Variants in CACNA2D1 observed in about 807,000 individuals in gnomAD.
The protein encoded by CACNA2D1 is calcium voltage-gated channel auxiliary subunit alpha2delta 1, also known as voltage-dependent calcium channel subunit alpha-2/delta-1.
A neutral mutation model predicts 171.5 loss-of-function variants in CACNA2D1; 53 were observed. The observed-to-expected ratio is 0.31, with a 90% CI of 0.25 to 0.39. The LOEUF is 0.39. Among genes scored for constraint, CACNA2D1 ranks in the 10% least tolerant of loss-of-function variants. CACNA2D1 has a pLI of 1.00. For missense variants in CACNA2D1, 903 were observed against 1,299.8 expected, an observed-to-expected ratio of 0.69 and a Z score of 4.69; for synonymous variants, 442 against 443.1, an observed-to-expected ratio of 1.00 and a Z score of 0.03.
intron 4 of CACNA2D1, among the ~76,000 whole-genome samples, chr7:82,153,500 A>G (rs1035148532): frequency 6.6e-6 from 1 of 152,140 alleles, no homozygotes; most frequent in Non-Finnish European, 1.5e-5. Flanking sequence ...TTGCTCATGG[A>G]AACATTTTTC....
chr7:82,082,933 T>A (rs867553631), intron 7 of CACNA2D1, among the ~76,000 whole-genome samples: 8 of 152,102 alleles, frequency 5.3e-5, no homozygotes, highest in African/African-American at 1.9e-4. Context: ...CTGCTATTTG[T>A]TAAAAGAGCC....
chr7:82,374,464 A>G (rs1822778750), intron 1 of CACNA2D1, among the ~76,000 whole-genome samples: 2 of 152,100 alleles, frequency 1.3e-5, no homozygotes, highest in Non-Finnish European at 2.9e-5. Context: ...CATCTCACAC[A>G]TCCACACGCA....
At chr7:81,974,873 G>A (rs116972098) in intron 24 of CACNA2D1, among the ~76,000 whole-genome samples, 1,805 of 152,068 alleles carry the variant, frequency 0.012, 19 homozygotes, top group Non-Finnish European at 0.017. Flanking sequence ...TGGGGCATCG[G>A]GGGCAAGGGG....
intron 3 of CACNA2D1, among the ~76,000 whole-genome samples, chr7:82,295,522 C>A (rs888019516): frequency 1.3e-5 from 2 of 148,218 alleles, no homozygotes; most frequent in African/African-American, 5.0e-5. Context: ...TTCTTTCTTT[C>A]TTTTTTTTTT....
At chr7:82,183,124 A>G (rs1797322745) in intron 3 of CACNA2D1, among the ~76,000 whole-genome samples, 1 of 152,090 alleles carries the variant, frequency 6.6e-6, no homozygotes, top group Admixed American at 6.6e-5. Flanking sequence ...CTAACTTAAA[A>G]GGTTTATTTT....
chr7:82,129,936 T>C (rs1315691333), intron 5 of CACNA2D1, among the ~76,000 whole-genome samples: 2 of 152,184 alleles, frequency 1.3e-5, no homozygotes, highest in Non-Finnish European at 2.9e-5. Context: ...CTTCAAGGTA[T>C]GTATTTCATT....
chr7:82,365,965 G>A (rs3801688), intron 1 of CACNA2D1, among the ~76,000 whole-genome samples: 69,805 of 151,882 alleles, frequency 0.46, 16,563 homozygotes, highest in East Asian at 0.57. Context: ...CTGACAGGGG[G>A]CCTCTTTACT....
intron 2 of CACNA2D1, among the ~76,000 whole-genome samples, chr7:82,341,072 C>T (rs114277706): frequency 6.6e-6 from 1 of 152,078 alleles, no homozygotes; most frequent in African/African-American, 2.4e-5. Flanking sequence ...GTGGGTTATA[C>T]ATTTTTTTTT....
At chr7:82,120,015 T>G (rs896389079) in intron 5 of CACNA2D1, among the ~76,000 whole-genome samples, 7 of 152,138 alleles carry the variant, frequency 4.6e-5, no homozygotes, top group Non-Finnish European at 1.0e-4. Flanking sequence ...GGCCCTCATC[T>G]CTACAAAAAA....
intron 12 of CACNA2D1, among the ~76,000 whole-genome samples, chr7:82,016,963 A>G (rs1301760146): frequency 6.6e-6 from 1 of 152,032 alleles, no homozygotes; most frequent in Non-Finnish European, 1.5e-5. Flanking sequence ...TTTTCCTGAA[A>G]TTTTATTCCA....
chr7:82,352,468 T>TA (rs1819956709), intron 1 of CACNA2D1, among the ~76,000 whole-genome samples: 1 of 152,190 alleles, frequency 6.6e-6, no homozygotes, highest in South Asian at 2.1e-4. Flanking sequence ...TTACAGAGGA[T>TA]ACAGCTTTTT....
chr7:82,012,719 T>C (rs1387264073), intron 14 of CACNA2D1, among the ~76,000 whole-genome samples: 1 of 152,090 alleles, frequency 6.6e-6, no homozygotes, highest in Non-Finnish European at 1.5e-5. Context: ...CTGTGCCAAA[T>C]CTAGACATCA....
At chr7:82,390,813 G>C (rs185016239) in intron 1 of CACNA2D1, among the ~76,000 whole-genome samples, 223 of 151,750 alleles carry the variant, frequency 1.5e-3, no homozygotes, top group African/African-American at 4.5e-3. Flanking sequence ...AGACTAACAG[G>C]GTTATAAAAA....
At chr7:82,136,218 T>A (rs1464007576) in intron 5 of CACNA2D1, among the ~76,000 whole-genome samples, 2 of 152,182 alleles carry the variant, frequency 1.3e-5, no homozygotes, top group African/African-American at 4.8e-5. Flanking sequence ...GTGTCATTCA[T>A]ATTGTAGTTG....
chr7:82,277,032 C>T (rs1276644625), intron 3 of CACNA2D1, among the ~76,000 whole-genome samples: 4 of 152,044 alleles, frequency 2.6e-5, no homozygotes, highest in Non-Finnish European at 5.9e-5. Context: ...AGGTGGGAGC[C>T]ACCCTGCCCA....
At chr7:82,411,991 A>G (rs1827723129) in intron 1 of CACNA2D1, among the ~76,000 whole-genome samples, 1 of 151,850 alleles carries the variant, frequency 6.6e-6, no homozygotes, top group Non-Finnish European at 1.5e-5. Flanking sequence ...TTACCACTTT[A>G]CCTAAATCTC....
At chr7:82,276,076 C>G (rs987867739) in intron 3 of CACNA2D1, among the ~76,000 whole-genome samples, 1 of 152,188 alleles carries the variant, frequency 6.6e-6, no homozygotes, top group East Asian at 1.9e-4. Context: ...GTTGAATCTA[C>G]TTACTTTGGC....
chr7:81,976,949 G>C (rs1795915348), intron 24 of CACNA2D1, among the ~76,000 whole-genome samples: 2 of 152,130 alleles, frequency 1.3e-5, no homozygotes, highest in African/African-American at 2.4e-5. Flanking sequence ...AGGAGATTTT[G>C]GGAAGAGACA....
Position 82,364,374 on chromosome 7 carries a change from T to C in CACNA2D1, c.96-14725A>G, listed in dbSNP as rs918383174. 2.0e-5 allele frequency among the ~76,000 whole-genome samples: 3 copies of C among 152,304 alleles called. No homozygotes were observed. In the East Asian group the frequency reaches 5.8e-4, roughly 29 times the overall value. On this transcript the variant is annotated intron_variant, in intron 1 of 38. Transcript: ENST00000356860. ...CATAGCATGATTAAGGACCTATTTA[T>C]AGAGTCCCTGCATTGTTGTCCACCT...
Sources: allele counts gnomAD v4.1 joint callset (sites outside exome capture counted in the v4.1 genomes callset), GRCh38; gene constraint gnomAD v4.1.1; transcripts MANE v1.5; gene names NCBI Gene and HGNC (gene_info 2026-07-23, HGNC 2026-07-21).